The following IMMP2L variants were observed in gnomAD, a reference collection of about 807,000 sequenced individuals.
The protein encoded by IMMP2L is inner mitochondrial membrane peptidase subunit 2, also known as mitochondrial inner membrane protease subunit 2.
A neutral mutation model predicts 19.3 loss-of-function variants in IMMP2L; 18 were observed. That is an observed-to-expected ratio of 0.93 (90% CI 0.64 to 1.38). The LOEUF is 1.38. IMMP2L is among the 40% of genes most tolerant of loss of function. IMMP2L has a pLI of 0.00. For synonymous variants in IMMP2L, 76 were observed against 73.0 expected (o/e 1.04, Z -0.21); for missense variants, 233 against 218.2 (o/e 1.07, Z -0.43).
chr7:111,066,851 G>A (rs1349189101), intron 3 of IMMP2L, among the ~76,000 whole-genome samples: 5 of 152,152 alleles, frequency 3.3e-5, no homozygotes, highest in African/African-American at 4.8e-5. Flanking sequence ...TCAATTTAAT[G>A]TAAGGGTTTT....
At chr7:111,529,571 C>T (rs1163239191) in intron 1 of IMMP2L, among the ~76,000 whole-genome samples, 1 of 151,532 alleles carries the variant, frequency 6.6e-6, no homozygotes, top group African/African-American at 2.4e-5. Flanking sequence ...ATGGCACATA[C>T]ACAAAAAAAG....
chr7:111,160,568 T>C (rs1235026977), intron 3 of IMMP2L, among the ~76,000 whole-genome samples: 1 of 151,938 alleles, frequency 6.6e-6, no homozygotes, highest in Non-Finnish European at 1.5e-5. Flanking sequence ...GAGTACTCTC[T>C]GTTAAAAGTT....
chr7:111,268,569 C>CTTTTTTTTTTTT lies in IMMP2L; in HGVS notation c.239+218657_239+218668dup, dbSNP rs762576425. Among the ~76,000 whole-genome samples, 33 of 44,592 alleles carry CTTTTTTTTTTTT rather than the reference C, an allele frequency of 7.4e-4. 5 individuals are homozygous for CTTTTTTTTTTTT. The highest frequency in any genetic ancestry group is 8.3e-4 in the Non-Finnish European group (22 of 26,636). The allele number at this position is 44,592 out of a possible 152,430, so 29.3% of individuals were successfully genotyped here. ...GATATGAGTTAAACTTCACATTTCT[C>CTTTTTTTTTTTT]TTTTTTTTTTTTTTTTTTTTTTTTT... On this transcript the variant is annotated intron_variant, in intron 3 of 5. Transcript: ENST00000405709.
intron 3 of IMMP2L, among the ~76,000 whole-genome samples, chr7:111,157,346 T>C (rs1379862641): frequency 1.3e-5 from 2 of 152,094 alleles, no homozygotes; most frequent in African/African-American, 4.8e-5. Context: ...AATTGATGAA[T>C]GAATAAAGAA....
At chr7:110,879,696 T>G (rs572478194) in intron 5 of IMMP2L, among the ~76,000 whole-genome samples, 2 of 152,292 alleles carry the variant, frequency 1.3e-5, no homozygotes, top group African/African-American at 4.8e-5. Flanking sequence ...TCTTAATAGT[T>G]CTGCAGATTC....
At chr7:111,394,904 G>T in intron 3 of IMMP2L, 1 of 236,008 alleles carries the variant, frequency 4.2e-6, no homozygotes, top group South Asian at 7.8e-5. Context: ...ATGCAGAAAT[G>T]GTGGCCATTG....
chr7:111,091,224 G>A (rs3211276), intron 3 of IMMP2L: 3 of 152,218 alleles, frequency 2.0e-5, no homozygotes, highest in Non-Finnish European at 4.4e-5. Flanking sequence ...TCACTGGATT[G>A]AGAGCCTCAG....
At chr7:111,072,450 T>C (rs1013537365) in intron 3 of IMMP2L, among the ~76,000 whole-genome samples, 1 of 152,048 alleles carries the variant, frequency 6.6e-6, no homozygotes, top group Admixed American at 6.6e-5. Context: ...ATGAACTTAA[T>C]GCAGTGTAAA....
intron 3 of IMMP2L, among the ~76,000 whole-genome samples, chr7:111,166,417 C>A (rs1233834817): frequency 1.3e-5 from 2 of 151,978 alleles, no homozygotes; most frequent in Non-Finnish European, 2.9e-5. Flanking sequence ...TCTCTCCTAT[C>A]CTTTTAAATA....
intron 3 of IMMP2L, among the ~76,000 whole-genome samples, chr7:111,376,716 T>TA (rs1480446068): frequency 2.0e-5 from 3 of 151,968 alleles, no homozygotes; most frequent in Non-Finnish European, 2.9e-5. Context: ...TATTAAGACA[T>TA]AAAAGGGAAT....
intron 3 of IMMP2L, among the ~76,000 whole-genome samples, chr7:111,079,360 A>G (rs886246870): frequency 5.3e-5 from 8 of 151,982 alleles, no homozygotes; most frequent in East Asian, 1.9e-4. Flanking sequence ...CTCGTGATCC[A>G]CCCACCTCGG....
chr7:110,807,875 T>A (rs1056588140), intron 5 of IMMP2L, among the ~76,000 whole-genome samples: 4 of 152,138 alleles, frequency 2.6e-5, no homozygotes, highest in Non-Finnish European at 4.4e-5. Flanking sequence ...TCAGAAGAAA[T>A]CAGTATAACT....
chr7:111,379,855 C>T (rs1253504581), intron 3 of IMMP2L, among the ~76,000 whole-genome samples: 5 of 151,808 alleles, frequency 3.3e-5, no homozygotes, highest in Non-Finnish European at 1.5e-5. Context: ...TCATGAACAA[C>T]TTTATTTTCT....
At chr7:110,664,480 T>C (rs945102947) in intron 5 of IMMP2L, among the ~76,000 whole-genome samples, 2 of 151,974 alleles carry the variant, frequency 1.3e-5, no homozygotes, top group Non-Finnish European at 2.9e-5. Context: ...AGAGCAGAGA[T>C]TGGCGAGGAT....
chr7:110,959,374 A>T (rs1818694221), intron 4 of IMMP2L, among the ~76,000 whole-genome samples: 1 of 151,956 alleles, frequency 6.6e-6, no homozygotes, highest in Admixed American at 6.6e-5. Context: ...AGTTGACAGC[A>T]TATTTTTATA....
chr7:111,171,857 T>C (rs915291827), intron 3 of IMMP2L, among the ~76,000 whole-genome samples: 1 of 150,998 alleles, frequency 6.6e-6, no homozygotes, highest in Non-Finnish European at 1.5e-5. Flanking sequence ...AGTAGATGTA[T>C]AATAGGTAAA....
chr7:110,680,488 A>C (rs1792639671), intron 5 of IMMP2L, among the ~76,000 whole-genome samples: 2 of 152,140 alleles, frequency 1.3e-5, no homozygotes, highest in African/African-American at 4.8e-5. Flanking sequence ...AGCATAATAA[A>C]AGGTAATGGA....
chr7:111,452,933 C>T (rs780657334), intron 3 of IMMP2L, among the ~76,000 whole-genome samples: 4 of 152,232 alleles, frequency 2.6e-5, no homozygotes, highest in Admixed American at 6.5e-5. Flanking sequence ...CAGGGATCTA[C>T]ATCATTTTGT....
chr7:111,234,698 C>T (rs1378482129), intron 3 of IMMP2L, among the ~76,000 whole-genome samples: 1 of 152,004 alleles, frequency 6.6e-6, no homozygotes, highest in Non-Finnish European at 1.5e-5. Flanking sequence ...ACTTTATCTG[C>T]TTTCTTGACT....
Sources: gnomAD v4.1 joint callset for allele counts (sites outside exome capture counted in the v4.1 genomes callset) on GRCh38, gnomAD v4.1.1 for gene constraint, MANE v1.5 for transcripts, NCBI Gene and HGNC (gene_info 2026-07-23, HGNC 2026-07-21) for gene names.